MAN2B1: variants seen among roughly 807,000 people sequenced by gnomAD.
MAN2B1 encodes the protein mannosidase alpha class 2B member 1.
In MAN2B1, 99 loss-of-function variants were observed where a neutral mutation model predicts 127.5. The observed-to-expected ratio is 0.78, with a 90% CI of 0.66 to 0.92. MAN2B1 has a LOEUF of 0.92. MAN2B1 is among the 40% of genes least tolerant of loss of function. The pLI, the probability that MAN2B1 is intolerant of heterozygous loss-of-function variation, is 0.00. For synonymous variants in MAN2B1, 573 were observed against 568.8 expected, an observed-to-expected ratio of 1.01 and a Z score of -0.11; for missense variants, 1,304 against 1,384.8, an observed-to-expected ratio of 0.94 and a Z score of 0.93.
Position 12,650,172 on chromosome 19 carries a change from C to G in MAN2B1, c.2097G>C (p.Gln699His), listed in dbSNP as rs140449678. The G allele has an allele frequency of 6.3e-5, 102 of 1,613,934 alleles. No individual in the cohort carries two copies. Among genetic ancestry groups the G allele is most frequent in the Non-Finnish European group, 8.1e-5 (95 of 1,180,024 alleles). Reference protein sequence around the residue: ...VHQNFSAWCSQVVRLYPGQRH... With the variant: ...VHQNFSAWCSHVVRLYPGQRH... ...GCTGTCCTGGGTACAGGCGAACCAC[C>G]TGGGAACACCAAGCTGAGAAGTTCT... Residue 699 changes from glutamine to histidine, a missense_variant, in exon 17 of 24, where the codon CAG becomes CAC. Coordinates refer to ENST00000456935, the MANE Select transcript of MAN2B1 (RefSeq NM_000528.4).
chr19:12,665,742 C>T lies in MAN2B1; in HGVS notation c.223G>A (p.Val75Met), dbSNP rs372860498. ...TGGTCCACGGTTTTGAGCCAGCCCA[C>T]GTCATCATGTGTGTGAGGCAGCAGG... ...VHLLPHTHDD[V>M]GWLKTVDQYF... Residue 75 changes from valine (V) to methionine (M), a missense_variant, in exon 2 of 24, where the codon GTG becomes ATG. Transcript: ENST00000456935. 12 of 1,614,180 alleles carry T rather than the reference C, an allele frequency of 7.4e-6. No homozygotes were observed. Among genetic ancestry groups the T allele is most frequent in the Admixed American group, 1.7e-5 (1 of 60,016 alleles).
intron 14 of MAN2B1, among the ~76,000 whole-genome samples, chr19:12,654,600 T>G (rs570145364): frequency 6.6e-6 from 1 of 152,340 alleles, no homozygotes; most frequent in Non-Finnish European, 1.5e-5. Context: ...ACGTTTTAAC[T>G]TCTTTTATTT....
chr19:12,663,893 A>T, intron 4 of MAN2B1, 58 bp from the exon 5 acceptor site: 1 of 1,609,872 alleles, frequency 6.2e-7, no homozygotes, highest in African/African-American at 1.3e-5. Flanking sequence ...TCACCACCAA[A>T]CTCCCCTCTG....
Position 12,648,234 on chromosome 19 carries a change from C to A in MAN2B1, c.2605G>T (p.Val869Leu), listed in dbSNP as rs1051322269. ...GCGCCGCCACCCGGGGCCAGCACCA[C>A]CTGAGGGGCCAGGACCTCCTGCTCC... ...LAEQEVLAPQ[V>L]VLAPGGGAAY... Residue 869 changes from valine to leucine, a missense_variant, in exon 21 of 24, where the codon GTG (valine) becomes TTG (leucine). Val to Leu is a conservative substitution (Grantham distance 32). Coordinates refer to ENST00000456935, the MANE Select transcript of MAN2B1 (RefSeq NM_000528.4). 4 of 1,591,406 alleles carry A rather than the reference C, an allele frequency of 2.5e-6. No homozygotes were observed. In the South Asian group the frequency reaches 4.5e-5, roughly 18 times the overall value.
Position 12,663,806 on chromosome 19 carries a change from G to T in MAN2B1, c.660C>A (p.Arg220=), listed in dbSNP as rs2145283213. The T allele has an allele frequency of 6.2e-7, 1 of 1,614,158 alleles. No homozygotes were observed. Among genetic ancestry groups the T allele is most frequent in the South Asian group, 1.1e-5 (1 of 91,074 alleles). ...GTACCCACTTATCTTGATAATCAAG[G>T]CGCCCAAAGAAGAAGCCGTCGAAGC... ...QMGFDGFFFG[R]LDYQDKWVRM... Residue 220 remains arginine, a synonymous_variant, in exon 5 of 24, where the codon CGC becomes CGA. Coordinates refer to ENST00000456935, the MANE Select transcript of MAN2B1 (RefSeq NM_000528.4).
chr19:12,665,537 A>G lies in MAN2B1; in HGVS notation c.263-12T>C, dbSNP rs1444171046. 1.1e-5 allele frequency: 17 copies of G among 1,614,036 alleles called. No homozygotes were observed. In the Admixed American group the frequency reaches 2.3e-4, roughly 22 times the overall value. The stretch of plus-strand genomic sequence containing the variant: ...GATGTCATTCTTGACTGTGGATAAC[A>G]GGGATAAGGCTCTCAGGGAACAGCA... On this transcript the variant is annotated splice_polypyrimidine_tract_variant and intron_variant, in intron 2 of 23. Transcript: ENST00000456935.
At position 12,650,103 on chromosome 19, in the gene MAN2B1, C is replaced by A; in HGVS notation, c.2165+1G>T. The A allele has an allele frequency of 1.2e-6, 2 of 1,613,124 alleles. No individual in the cohort carries two copies. The highest frequency in any genetic ancestry group is 1.7e-6 in the Non-Finnish European group (2 of 1,179,148). On this transcript the variant is annotated splice_donor_variant, in intron 17 of 23. Coordinates refer to ENST00000456935, the MANE Select transcript of MAN2B1 (RefSeq NM_000528.4). LOFTEE classifies it high-confidence loss of function. ...CCCCTCTCCCAGCCTGTGCCACTCA[C>A]CCCACAGGTATCGGCCCCACCGACC...
chr19:12,652,323 C>A, intron 15 of MAN2B1, 40 bp downstream of exon 15: 1 of 1,608,202 alleles, frequency 6.2e-7, no homozygotes, highest in Non-Finnish European at 8.5e-7. Flanking sequence ...CCATGCCGAG[C>A]ACCACCACCC....
At chr19:12,664,531 T>C (rs2024180928) in intron 4 of MAN2B1, among the ~76,000 whole-genome samples, 1 of 151,680 alleles carries the variant, frequency 6.6e-6, no homozygotes, top group Admixed American at 6.6e-5. Flanking sequence ...AGCTAGTGGG[T>C]GGGGCCAGAA....
intron 13 of MAN2B1, chr19:12,656,238 A>C (rs2023953096): frequency 2.3e-6 from 1 of 438,396 alleles, no homozygotes; most frequent in South Asian, 2.6e-5. Context: ...GCGGGGTATT[A>C]AAATGGAGGA....
rs755257693 is a variant in MAN2B1 at position 12,653,291 on chromosome 19, C to A, written c.1831-831G>T. On this transcript the variant is annotated intron_variant, in intron 14 of 23. Coordinates refer to ENST00000456935, the MANE Select transcript of MAN2B1 (RefSeq NM_000528.4). ...CCTCCTGAATAGCTGGGACTACAGG[C>A]ACATGCCACCACACCTGGCTAATTT... 1.5e-4 allele frequency among the ~76,000 whole-genome samples: 23 copies of A among 151,944 alleles called. No homozygotes were observed. The Middle Eastern group carries it at 0.017, about 112-fold the overall frequency.
chr19:12,650,323 A>C (rs987043625), intron 16 of MAN2B1, 101 bp from the exon 17 acceptor site: 1 of 774,202 alleles, frequency 1.3e-6, no homozygotes, highest in Non-Finnish European at 2.3e-6. Flanking sequence ...TAAGGCCTAC[A>C]TCAAGGTCAA....
In MAN2B1 at chr19:12,647,589, G is replaced by T. The variant is rs368951229; in HGVS notation, c.2674C>A (p.Leu892Met). ...GAPPRTQFSG[L>M]RRDLPPSVHL... ...ACCGAGGGCGGCAGGTCCCTGCGCAGCCCTGAGAACTGCGGGAGAGAGGGC... is the reference window on the plus strand; with the variant it reads ...ACCGAGGGCGGCAGGTCCCTGCGCATCCCTGAGAACTGCGGGAGAGAGGGC... The change falls in exon 22 of 24, where the codon CTG becomes ATG. Residue 892 changes from leucine to methionine, a missense_variant. Transcript: ENST00000456935. This position sits in a 1 kb window ranked among gnomAD's most constrained non-coding sequence, Gnocchi z 4.9. 8 of 1,613,266 alleles carry T rather than the reference G, an allele frequency of 5.0e-6. No individual in the cohort carries two copies. The African/African-American group carries it at 9.3e-5, about 19-fold the overall frequency.
intron 7 of MAN2B1, among the ~76,000 whole-genome samples, chr19:12,659,706 C>T (rs1401537864): frequency 1.3e-5 from 2 of 152,116 alleles, no homozygotes; most frequent in Non-Finnish European, 2.9e-5. Context: ...GTAGTCCCAG[C>T]TACTTGGGAG....
Position 12,663,309 on chromosome 19 carries a change from A to G in MAN2B1, c.909+8T>C, listed in dbSNP as rs753038091. On this transcript the variant is annotated splice_region_variant and intron_variant, in intron 6 of 23. Transcript: ENST00000456935. ...ACCGGACTCGAAGGTTCTGGACACC[A>G]GGGTTACCTGGGCAGTGGCCACATT... The G allele has an allele frequency of 3.1e-6, 5 of 1,614,202 alleles. No individual in the cohort carries two copies. The highest frequency in any genetic ancestry group is 4.2e-6 in the Non-Finnish European group (5 of 1,180,030).
chr19:12,657,433 T>G lies in MAN2B1; in HGVS notation c.1419+13A>C. The stretch of plus-strand genomic sequence containing the variant: ...TCTCCACCCCCGTGTCTCCCAAGTC[T>G]CGCCCCGCGCACCTCGCAAGGCCCC... On this transcript the variant is annotated intron_variant, in intron 11 of 23. Transcript: ENST00000456935. 6.5e-7 allele frequency: 1 copy of G among 1,546,408 alleles called. No individual in the cohort carries two copies. The highest frequency in any genetic ancestry group is 1.2e-5 in the South Asian group (1 of 83,896).
Position 12,658,235 on chromosome 19 carries a change from T to C in MAN2B1, c.1219A>G (p.Asn407Asp). Residue 407 changes from asparagine (N) to aspartate (D), a missense_variant, in exon 9 of 24, where the codon AAC becomes GAC. By Grantham distance (23) the Asn-to-Asp change is conservative. Transcript: ENST00000456935. ...ALKRYERLSYNFLQVCNQLEA... is the reference protein window; with the variant it reads ...ALKRYERLSYDFLQVCNQLEA... The stretch of plus-strand genomic sequence containing the variant: ...CGGCTCCTACCCACCTGCAGGAAGT[T>C]GTAGCTGAGGCGCTCGTAGCGTTTG... 6.2e-7 allele frequency: 1 copy of C among 1,614,050 alleles called. No homozygotes were observed.
rs768458196 is a variant in MAN2B1, at chr19:12,663,350, C to T, written c.876G>A (p.Leu292=). 2.2e-5 allele frequency: 36 copies of T among 1,614,070 alleles called. No homozygotes were observed. In the East Asian group the frequency reaches 8.0e-4, roughly 36 times the overall value. ...TGGCCACATTTAGGAAGTAATCGAC[C>T]AGCTCCTTGGCGTTGTACTCGGGGC... ...PRSPEYNAKE[L]VDYFLNVATA... The change falls in exon 6 of 24, where the codon CTG becomes CTA. Residue 292 remains leucine, a synonymous_variant. Coordinates refer to ENST00000456935, the MANE Select transcript of MAN2B1 (RefSeq NM_000528.4).
rs1001780999 is a variant in MAN2B1, at chr19:12,652,024, G to A, written c.2046+129C>T. 5.1e-6 allele frequency: 4 copies of A among 780,926 alleles called. No individual in the cohort carries two copies. In the East Asian group the frequency reaches 9.8e-5, roughly 19 times the overall value. The allele number at this position is 780,926 out of a possible 1,614,324, so 48.4% of individuals were successfully genotyped here. On this transcript the variant is annotated intron_variant, in intron 16 of 23. Transcript: ENST00000456935. Reference sequence around the variant, plus strand: ...AAATATTTCCCCCGCTGATCTGTGGGTCTTAGCCCACTGATCTGAAGGAAA... The same window carrying A: ...AAATATTTCCCCCGCTGATCTGTGGATCTTAGCCCACTGATCTGAAGGAAA...
Sources: gnomAD v4.1 joint callset for allele counts (sites outside exome capture counted in the v4.1 genomes callset) on GRCh38, gnomAD v4.1.1 for gene constraint, Gnocchi (gnomAD v3.1) non-coding constraint, MANE v1.5 for transcripts, NCBI Gene and HGNC (gene_info 2026-07-23, HGNC 2026-07-21) for gene names.